The following HCN1 variants were observed in gnomAD, a reference collection of about 807,000 sequenced individuals.
HCN1 encodes the protein hyperpolarization activated cyclic nucleotide gated potassium channel 1, also known as potassium/sodium hyperpolarization-activated cyclic nucleotide-gated channel 1.
HCN1 carries 13 observed loss-of-function variants against 78.9 expected under a neutral mutation model. The observed-to-expected ratio is 0.16, with a 90% confidence interval of 0.11 to 0.26. The LOEUF is 0.26. Ranked by LOEUF, HCN1 falls within the 10% of genes least tolerant of loss-of-function variation. The pLI is 1.00. For missense variants in HCN1, 810 were observed against 1,154.3 expected (o/e 0.70, Z 4.32); for synonymous variants, 552 against 455.5 (o/e 1.21, Z -2.70).
chr5:45,446,875 C>A (rs1740810020), intron 3 of HCN1, among the ~76,000 whole-genome samples: 1 of 151,982 alleles, frequency 6.6e-6, no homozygotes, highest in African/African-American at 2.4e-5. Context: ...CCTAAAAGAG[C>A]TCCTGAAGGA....
chr5:45,516,101 T>C (rs1440073964), intron 2 of HCN1, among the ~76,000 whole-genome samples: 1 of 152,028 alleles, frequency 6.6e-6, no homozygotes, highest in East Asian at 1.9e-4. Flanking sequence ...ACCAGTGTTA[T>C]TGTTTATTGT....
chr5:45,656,096 A>G (rs1017836765), intron 1 of HCN1, among the ~76,000 whole-genome samples: 1 of 141,342 alleles, frequency 7.1e-6, no homozygotes, highest in Admixed American at 6.8e-5. Flanking sequence ...AAATATGACT[A>G]AAAGAGAATT....
At chr5:45,313,250 A>T (rs1745897664) in intron 5 of HCN1, among the ~76,000 whole-genome samples, 1 of 152,162 alleles carries the variant, frequency 6.6e-6, no homozygotes, top group Non-Finnish European at 1.5e-5. Flanking sequence ...ATACCCAGGC[A>T]AACAGGGTCT....
intron 5 of HCN1, among the ~76,000 whole-genome samples, chr5:45,350,622 A>C (rs1388509908): frequency 1.3e-5 from 2 of 151,446 alleles, no homozygotes; most frequent in African/African-American, 4.9e-5. Flanking sequence ...ATATCTAGAA[A>C]ACCCCATTGT....
chr5:45,292,811 ATTC>A (rs1330207837), intron 6 of HCN1, among the ~76,000 whole-genome samples: 3 of 151,982 alleles, frequency 2.0e-5, no homozygotes, highest in Non-Finnish European at 4.4e-5. Context: ...TTCATCCATC[ATTC>A]TTCTACCCAT....
At chr5:45,287,315 G>A (rs761322079) in intron 6 of HCN1, among the ~76,000 whole-genome samples, 1 of 151,748 alleles carries the variant, frequency 6.6e-6, no homozygotes, top group South Asian at 2.1e-4. Flanking sequence ...TCGTATAAGA[G>A]GATTAGATAA....
chr5:45,313,376 C>G (rs1252951116), intron 5 of HCN1, among the ~76,000 whole-genome samples: 1 of 152,084 alleles, frequency 6.6e-6, no homozygotes, highest in Non-Finnish European at 1.5e-5. Flanking sequence ...ACGTCACCAT[C>G]ATCAAAGACC....
chr5:45,664,314 C>CGGGGGA (rs1745987027), intron 1 of HCN1, among the ~76,000 whole-genome samples: 1 of 108,754 alleles, frequency 9.2e-6, no homozygotes, highest in Non-Finnish European at 1.9e-5. Context: ...GTGGTGGGGT[C>CGGGGGA]GGGGGAGGGG....
intron 2 of HCN1, among the ~76,000 whole-genome samples, chr5:45,599,463 C>G (rs1042307938): frequency 6.6e-6 from 1 of 151,942 alleles, no homozygotes; most frequent in African/African-American, 2.4e-5. Context: ...ATGAAAATGA[C>G]GAGTTGATGG....
intron 3 of HCN1, among the ~76,000 whole-genome samples, chr5:45,404,250 T>C (rs1339639210): frequency 1.3e-5 from 2 of 152,178 alleles, no homozygotes. Context: ...ACTAATATGA[T>C]ATTATATGCG....
intron 7 of HCN1, among the ~76,000 whole-genome samples, chr5:45,266,388 A>C (rs1415806193): frequency 1.3e-5 from 2 of 152,188 alleles, no homozygotes; most frequent in Non-Finnish European, 2.9e-5. Flanking sequence ...CCTAATATAA[A>C]GATAAAATGT....
intron 2 of HCN1, among the ~76,000 whole-genome samples, chr5:45,589,393 A>G (rs1744309161): frequency 6.6e-6 from 1 of 152,192 alleles, no homozygotes; most frequent in Non-Finnish European, 1.5e-5. Context: ...AGGTTTAGTG[A>G]GTCAAGTTTA....
intron 3 of HCN1, among the ~76,000 whole-genome samples, chr5:45,432,276 T>C (rs931952345): frequency 1.3e-5 from 2 of 152,180 alleles, no homozygotes; most frequent in African/African-American, 4.8e-5. Context: ...TTTTGTACAC[T>C]GATTTTGTAT....
intron 2 of HCN1, chr5:45,480,177 C>T (rs1249620002): frequency 2.0e-5 from 3 of 152,522 alleles, no homozygotes; most frequent in Non-Finnish European, 4.4e-5. Context: ...TCCACATCAC[C>T]AAATTGCATT....
intron 1 of HCN1, among the ~76,000 whole-genome samples, chr5:45,677,153 A>C (rs1739573740): frequency 6.6e-6 from 1 of 151,774 alleles, no homozygotes; most frequent in Non-Finnish European, 1.5e-5. Flanking sequence ...TGAAACCCCT[A>C]GCTCTACCCT....
chr5:45,419,810 T>G (rs1421932266), intron 3 of HCN1, among the ~76,000 whole-genome samples: 3 of 152,212 alleles, frequency 2.0e-5, no homozygotes, highest in Non-Finnish European at 4.4e-5. Context: ...TTAGCATTGG[T>G]AACATTTCTG....
intron 5 of HCN1, among the ~76,000 whole-genome samples, chr5:45,338,934 C>T (rs1746518814): frequency 6.6e-6 from 1 of 152,118 alleles, no homozygotes; most frequent in African/African-American, 2.4e-5. Flanking sequence ...TTCAAATAAA[C>T]TGTTAACTTA....
At chr5:45,439,492 TAATG>T (rs1387928007) in intron 3 of HCN1, among the ~76,000 whole-genome samples, 4 of 152,192 alleles carry the variant, frequency 2.6e-5, no homozygotes, top group Non-Finnish European at 5.9e-5. Flanking sequence ...AAATGAAGTG[TAATG>T]AATGATGGGT....
intron 2 of HCN1, among the ~76,000 whole-genome samples, chr5:45,544,789 T>C (rs542723000): frequency 3.2e-4 from 49 of 152,286 alleles, no homozygotes; most frequent in Non-Finnish European, 6.2e-4. Context: ...TCATCCTTTT[T>C]CATGACTGCA....
Sources: allele counts gnomAD v4.1 joint callset (sites outside exome capture counted in the v4.1 genomes callset), GRCh38; gene constraint gnomAD v4.1.1; transcripts MANE v1.5; gene names NCBI Gene and HGNC (gene_info 2026-07-23, HGNC 2026-07-21).